ZNF765: variants seen among roughly 807,000 people sequenced by gnomAD.
The protein encoded by ZNF765 is zinc finger protein 765.
ZNF765 carries 37 observed loss-of-function variants against 44.7 expected under a neutral mutation model. The ratio of observed to expected loss-of-function variants is 0.83; its 90% CI spans 0.64 to 1.09. The LOEUF (loss-of-function observed/expected upper bound fraction) is 1.09, where lower values mean the gene tolerates loss of function less well. Among genes scored for constraint, ZNF765 ranks in the 50% least tolerant of loss-of-function variants. ZNF765 has a pLI of 0.00. For synonymous variants in ZNF765, 201 were observed against 213.7 expected, an observed-to-expected ratio of 0.94 and a Z score of 0.52; for missense variants, 594 against 626.1, an observed-to-expected ratio of 0.95 and a Z score of 0.55.
In ZNF765 at chr19:53,409,818, A is replaced by G. The variant is rs560032759; in HGVS notation, c.*691A>G. On this transcript the variant is annotated 3_prime_UTR_variant, in exon 4 of 4. Coordinates refer to ENST00000396408, the MANE Select transcript of ZNF765 (RefSeq NM_001040185.3). The stretch of plus-strand genomic sequence containing the variant: ...GAGTGTGGCAAGACCTTTAGTCTGA[A>G]GTCATACCTTACGCACCATCGTAGA... 74 of 721,918 alleles carry G rather than the reference A, an allele frequency of 1.0e-4. No individual in the cohort carries two copies. In the African/African-American group the frequency reaches 1.2e-3, roughly 12 times the overall value. The allele number at this position is 721,918 out of a possible 1,614,324, so 44.7% of individuals were successfully genotyped here.
At position 53,409,859 on chromosome 19, in the gene ZNF765, GTACCT is replaced by G; in HGVS notation, c.*736_*740del. 1.5e-6 allele frequency: 1 copy of G among 663,128 alleles called. No individual in the cohort carries two copies. The highest frequency in any genetic ancestry group is 1.4e-5 in the South Asian group (1 of 71,828). 41.1% of individuals were successfully genotyped at this position (663,128 alleles called of 1,614,324 possible). A position where few individuals can be genotyped will look rare whatever the true frequency, so the allele number is the denominator to read the frequency against. On this transcript the variant is annotated 3_prime_UTR_variant, in exon 4 of 4. Transcript: ENST00000396408. The stretch of plus-strand genomic sequence containing the variant: ...CCATCGTAGACTTCATACTGGAGAG[GTACCT>G]TACAAGGATAATGAGTGTAGAAAAA...
intron 1 of ZNF765, among the ~76,000 whole-genome samples, chr19:53,397,331 T>G (rs2085681492): frequency 6.6e-6 from 1 of 152,242 alleles, no homozygotes; most frequent in African/African-American, 2.4e-5. Context: ...TGCTGTTTCA[T>G]TAGTGATGAT....
chr19:53,396,983 G>T (rs1460525334), intron 1 of ZNF765, among the ~76,000 whole-genome samples: 1 of 152,246 alleles, frequency 6.6e-6, no homozygotes. Context: ...TTAACAAGGA[G>T]AGGTGAGGTA....
intron 2 of ZNF765, among the ~76,000 whole-genome samples, chr19:53,398,957 G>T (rs1433119259): frequency 6.6e-6 from 1 of 151,720 alleles, no homozygotes; most frequent in African/African-American, 2.4e-5. Flanking sequence ...CACCATGTTG[G>T]CCAGGCTGGT....
intron 1 of ZNF765, among the ~76,000 whole-genome samples, chr19:53,396,685 G>A (rs770691625): frequency 1.3e-5 from 2 of 152,180 alleles, no homozygotes; most frequent in Admixed American, 6.5e-5. Context: ...TCCTTGAAGT[G>A]AGCTTGCTAG....
intron 3 of ZNF765, among the ~76,000 whole-genome samples, chr19:53,406,443 A>G (rs1310455833): frequency 6.6e-6 from 1 of 152,142 alleles, no homozygotes; most frequent in African/African-American, 2.4e-5. Context: ...GGCAAGTAGA[A>G]GTCGTGGCAT....
chr19:53,415,905 A>G (rs919426472), downstream of ZNF765, among the ~76,000 whole-genome samples: 6 of 152,102 alleles, frequency 3.9e-5, no homozygotes, highest in African/African-American at 1.4e-4. Context: ...TCAAGGACAC[A>G]TAGGACCCAC....
chr19:53,419,409 T>A (rs2147106988), intron 3 of ZNF765, among the ~76,000 whole-genome samples: 1 of 152,338 alleles, frequency 6.6e-6, no homozygotes, highest in South Asian at 2.1e-4. Flanking sequence ...TGGAGAGTCA[T>A]TGTTTCTCTA....
At position 53,402,123 on chromosome 19, in the gene ZNF765, T is replaced by C; in HGVS notation, c.74T>C (p.Leu25Pro). Residue 25 changes from leucine to proline, a missense_variant, in exon 3 of 4, where the codon CTG becomes CCG. Around this residue, in one of 2 missense-constraint regions of ZNF765, gnomAD observed 27 missense variants for 53.6 expected, o/e 0.50. Transcript: ENST00000396408. The part of the protein sequence containing the change: ...IEFSQEEWKC[L>P]DPAQRTLYRD... ...TTCTCTCAGGAGGAGTGGAAATGCC[T>C]GGACCCTGCTCAGAGGACTCTATAC... 3.1e-6 allele frequency: 5 copies of C among 1,614,064 alleles called. No individual in the cohort carries two copies. Among genetic ancestry groups the C allele is most frequent in the Non-Finnish European group, 3.4e-6 (4 of 1,179,992 alleles).
In ZNF765 at chr19:53,402,310, G is replaced by A. The variant is rs2085735797; in HGVS notation, c.142+119G>A. The A allele has an allele frequency of 3.4e-6, 5 of 1,479,362 alleles. No individual in the cohort carries two copies. In the South Asian group the frequency reaches 5.4e-5, roughly 16 times the overall value. The allele number at this position is 1,479,362 out of a possible 1,614,324, so 91.6% of individuals were successfully genotyped here. On this transcript the variant is annotated intron_variant, in intron 3 of 3. Transcript: ENST00000396408. ...CTCGCTCTGTCGCCCAGGCTGGAGT[G>A]CTGTGGCATGATCTCGGCTCACGGC... is the stretch of plus-strand genomic sequence containing the variant.
rs11374539 is a variant in ZNF765, at chr19:53,425,316, C to CTT, written c.*2223_*2224dup. 292 of 148,598 alleles carry CTT rather than the reference C, an allele frequency of 2.0e-3. 1 individual carries two copies. Among genetic ancestry groups the CTT allele is most frequent in the African/African-American group, 6.3e-3 (254 of 40,452 alleles). 9.2% of individuals were successfully genotyped at this position (148,598 alleles called of 1,614,324 possible). A position where few individuals can be genotyped will look rare whatever the true frequency, so the allele number is the denominator to read the frequency against. ...TGGGAGGAAGACACTGAAAGTCCTACTTTTTTTTTTCAGATGGGATCTCAC... is the reference window on the plus strand; with the variant it reads ...TGGGAGGAAGACACTGAAAGTCCTACTTTTTTTTTTTTCAGATGGGATCTCAC... On this transcript the variant is annotated 3_prime_UTR_variant, in exon 4 of 4. Transcript: ENST00000594030.
At chr19:53,399,274 C>G (rs988252142) in intron 2 of ZNF765, among the ~76,000 whole-genome samples, 1 of 133,030 alleles carries the variant, frequency 7.5e-6, no homozygotes, top group African/African-American at 2.8e-5. Context: ...ATATATTTTT[C>G]TATTTAAACA....
At position 53,409,436 on chromosome 19, in the gene ZNF765, C is replaced by G. The variant is rs1462262877; in HGVS notation, c.*309C>G. 1.2e-6 allele frequency: 1 copy of G among 856,854 alleles called. No homozygotes were observed. Among genetic ancestry groups the G allele is most frequent in the African/African-American group, 1.7e-5 (1 of 60,292 alleles). The allele number at this position is 856,854 out of a possible 1,614,324, so 53.1% of individuals were successfully genotyped here. On this transcript the variant is annotated 3_prime_UTR_variant, in exon 4 of 4. Transcript: ENST00000396408. ...CTTGAAAGACATAGGAGAATTCACA[C>G]TGGTGAGAAACCTTACAGGTGTAAT...
At chr19:53,405,939 AT>A (rs1568779019) in intron 3 of ZNF765, among the ~76,000 whole-genome samples, 12 of 95,582 alleles carry the variant, frequency 1.3e-4, no homozygotes, top group Admixed American at 6.3e-4. Flanking sequence ...ATATATATAT[AT>A]ATATATATAT....
intron 1 of ZNF765, among the ~76,000 whole-genome samples, chr19:53,396,287 A>T (rs954890256): frequency 2.6e-5 from 4 of 152,116 alleles, no homozygotes; most frequent in Admixed American, 6.5e-5. Flanking sequence ...CAGGGAGAGC[A>T]GAGGAGGCGC....
downstream of ZNF765, among the ~76,000 whole-genome samples, chr19:53,415,948 GTTTTGTT>G (rs936964307): frequency 2.0e-5 from 1 of 49,520 alleles, no homozygotes; most frequent in African/African-American, 4.8e-5. Context: ...CTTTTGTTTT[GTTTTGTT>G]TTTTGTTTTT....
chr19:53,402,293 G>A, intron 3 of ZNF765, 102 bp downstream of exon 3: 9 of 1,482,724 alleles, frequency 6.1e-6, no homozygotes, highest in Non-Finnish European at 7.9e-6. Flanking sequence ...GTCTCGCTCT[G>A]TCGCCCAGGC....
chr19:53,405,176 AC>A (rs369356912), intron 3 of ZNF765, among the ~76,000 whole-genome samples: 39 of 152,204 alleles, frequency 2.6e-4, no homozygotes, highest in African/African-American at 8.7e-4. Flanking sequence ...ACATGTTGAA[AC>A]CCCGTCTCTA....
chr19:53,408,837 AT>A lies in ZNF765; in HGVS notation c.1285del (p.Cys429ValfsTer158), dbSNP rs770095377. 1 of 1,613,792 alleles carries A rather than the reference AT, an allele frequency of 6.2e-7. No homozygotes were observed. The highest frequency in any genetic ancestry group is 1.1e-5 in the South Asian group (1 of 91,046). ...KTFNQQLTLN[I>X]CRLHSGEKPY... The stretch of plus-strand genomic sequence containing the variant: ...CTTCAATCAGCAGTTAACCCTTAAC[AT>A]TTGTAGACTTCATAGTGGAGAGAAA... On this transcript the variant is annotated frameshift_variant, in exon 4 of 4. Coordinates refer to ENST00000396408, the MANE Select transcript of ZNF765 (RefSeq NM_001040185.3). LOFTEE classifies it high-confidence loss of function.
Sources: gnomAD v4.1 joint callset for allele counts (sites outside exome capture counted in the v4.1 genomes callset) on GRCh38, gnomAD v4.1.1 for gene constraint, gnomAD v4.1.1 regional missense constraint, MANE v1.5 for transcripts, NCBI Gene and HGNC (gene_info 2026-07-23, HGNC 2026-07-21) for gene names.